The following HSP90AB1 variants were observed in gnomAD, a reference collection of about 807,000 sequenced individuals.
HSP90AB1 encodes heat shock protein 90 alpha family class B member 1.
HSP90AB1 carries 17 observed loss-of-function variants against 67.8 expected under a neutral mutation model. The observed-to-expected ratio is 0.25, with a 90% confidence interval of 0.17 to 0.38. HSP90AB1 has a LOEUF of 0.38. HSP90AB1 is among the 10% of genes least tolerant of loss of function. The pLI, the probability that HSP90AB1 is intolerant of heterozygous loss-of-function variation, is 1.00. For missense variants in HSP90AB1, 690 were observed against 899.9 expected (o/e 0.77, Z 2.98); for synonymous variants, 390 against 312.9 (o/e 1.25, Z -2.60).
In HSP90AB1 at chr6:44,252,166, C is replaced by T; in HGVS notation, c.1630C>T (p.Pro544Ser). The T allele has an allele frequency of 1.2e-6, 2 of 1,613,990 alleles. No homozygotes were observed. The highest frequency in any genetic ancestry group is 1.7e-6 in the Non-Finnish European group (2 of 1,180,002). Residue 544 changes from proline (P) to serine (S), a missense_variant, in exon 10 of 12, where the codon CCT becomes TCT. Transcript: ENST00000371646. ...AGTTACCAAGGAGGGTCTGGAGCTG[C>T]CTGAGGATGAGGAGGAGAAGAAGAA... ...VSVTKEGLELPEDEEEKKKME... is the reference protein window; with the variant it reads ...VSVTKEGLELSEDEEEKKKME...
rs769084897 is a variant in HSP90AB1, at chr6:44,252,201, G to C, written c.1665G>C (p.Glu555Asp). The C allele has an allele frequency of 2.2e-5, 35 of 1,614,030 alleles. No homozygotes were observed. The highest frequency in any genetic ancestry group is 1.6e-4 in the East Asian group (7 of 44,900). Residue 555 changes from glutamate to aspartate, a missense_variant, in exon 10 of 12, where the codon GAG becomes GAC. By Grantham distance (45) the Glu-to-Asp change is conservative (BLOSUM62 2). Transcript: ENST00000371646. The stretch of plus-strand genomic sequence containing the variant: ...AGGAGGAGAAGAAGAAGATGGAAGA[G>C]AGCAAGGCAAAGTTTGAGAACCTCT... ...EDEEEKKKME[E>D]SKAKFENLCK...
chr6:44,253,363 A>T lies in HSP90AB1; in HGVS notation c.2050A>T (p.Ile684Phe). ...QTHSNRIYRM[I>F]KLGLGIDEDE... is the part of the protein sequence containing the mutation. ...CCACTCCAACCGCATCTATCGCATG[A>T]TCAAGCTAGGTCTAGGTAAGTAGCT... The change falls in exon 11 of 12, where the codon ATC becomes TTC. Residue 684 changes from isoleucine to phenylalanine, a missense_variant. By Grantham distance (21) the Ile-to-Phe change is conservative. Transcript: ENST00000371646. 6.2e-7 allele frequency: 1 copy of T among 1,614,118 alleles called. No homozygotes were observed. Among genetic ancestry groups the T allele is most frequent in the Non-Finnish European group, 8.5e-7 (1 of 1,179,984 alleles).
At chr6:44,249,935 C>T (rs1780431147) in intron 4 of HSP90AB1, 86 bp from the exon 5 acceptor site, 5 of 1,584,352 alleles carry the variant, frequency 3.2e-6, no homozygotes, top group Non-Finnish European at 4.3e-6. Flanking sequence ...CAGTTCTTCA[C>T]AGCAGTTCTG....
rs2153323463 is a variant in HSP90AB1, at chr6:44,253,364, T to C, written c.2051T>C (p.Ile684Thr). The C allele has an allele frequency of 6.2e-7, 1 of 1,614,110 alleles. No homozygotes were observed. Among genetic ancestry groups the C allele is most frequent in the South Asian group, 1.1e-5 (1 of 91,082 alleles). ...CACTCCAACCGCATCTATCGCATGA[T>C]CAAGCTAGGTCTAGGTAAGTAGCTT... ...QTHSNRIYRMIKLGLGIDEDE... is the reference protein window; with the variant it reads ...QTHSNRIYRMTKLGLGIDEDE... Residue 684 changes from isoleucine (I) to threonine (T), a missense_variant, in exon 11 of 12, where the codon ATC (isoleucine) becomes ACC (threonine). Ile to Thr is a moderately conservative substitution (Grantham distance 89, BLOSUM62 -1). Coordinates refer to ENST00000371646, the MANE Select transcript of HSP90AB1 (RefSeq NM_007355.4).
upstream of HSP90AB1, among the ~76,000 whole-genome samples, chr6:44,246,847 C>A (rs1385438469): frequency 2.6e-5 from 4 of 152,196 alleles, no homozygotes; most frequent in Non-Finnish European, 4.4e-5. Flanking sequence ...AATGAGCACT[C>A]CTCATCCCCG....
At chr6:44,248,506 G>T in intron 1 of HSP90AB1, 124 bp from the exon 2 acceptor site, 1 of 779,672 alleles carries the variant, frequency 1.3e-6, no homozygotes, top group Non-Finnish European at 2.0e-6. Flanking sequence ...CTTGGGAAGG[G>T]ATAGTACTCC....
chr6:44,252,967 C>A, intron 10 of HSP90AB1, 78 bp from the exon 11 acceptor site: 2 of 1,227,248 alleles, frequency 1.6e-6, no homozygotes, highest in Non-Finnish European at 2.4e-6. Flanking sequence ...CCTCCCCCTG[C>A]TGGAATTAGG....
chr6:44,252,472 A>G (rs553836793), intron 10 of HSP90AB1, among the ~76,000 whole-genome samples: 2 of 152,196 alleles, frequency 1.3e-5, no homozygotes, highest in South Asian at 4.1e-4. Context: ...AACTTCTGAG[A>G]GTAGATAAAA....
rs1414036854 is a variant in HSP90AB1, at chr6:44,253,389, T to G, written c.2065+11T>G. ...TCAAGCTAGGTCTAGGTAAGTAGCT[T>G]TGGTACTTGGTGTGGCAAGGAGTTT... On this transcript the variant is annotated intron_variant, in intron 11 of 11. Coordinates refer to ENST00000371646, the MANE Select transcript of HSP90AB1 (RefSeq NM_007355.4). The G allele has an allele frequency of 3.1e-6, 5 of 1,609,688 alleles. 1 individual carries two copies. The Middle Eastern group carries it at 8.3e-4, about 266-fold the overall frequency.
chr6:44,251,293 C>CAA (rs1467515451), intron 7 of HSP90AB1, 80 bp downstream of exon 7: 15 of 1,554,124 alleles, frequency 9.7e-6, no homozygotes, highest in Non-Finnish European at 1.1e-5. Flanking sequence ...TCTAAGGTAA[C>CAA]AGTTTTCTGC....
Position 44,253,664 on chromosome 6 carries a change from C to T in HSP90AB1, c.*66C>T, listed in dbSNP as rs952741828. On this transcript the variant is annotated 3_prime_UTR_variant, in exon 12 of 12. Coordinates refer to ENST00000371646, the MANE Select transcript of HSP90AB1 (RefSeq NM_007355.4). ...TGTCCCCATGGGCTCCCACTGCAGC[C>T]TCGAGTGCCCCTGTCCCACCTGGCT... is the stretch of plus-strand genomic sequence containing the variant. 3.3e-6 allele frequency: 4 copies of T among 1,198,352 alleles called. No homozygotes were observed. Among genetic ancestry groups the T allele is most frequent in the South Asian group, 2.4e-5 (2 of 82,808 alleles). 74.2% of individuals were successfully genotyped at this position (1,198,352 alleles called of 1,614,324 possible). A position where few individuals can be genotyped will look rare whatever the true frequency, so the allele number is the denominator to read the frequency against.
rs755838506 is a variant in HSP90AB1, at chr6:44,251,767, C to T, written c.1345C>T (p.Arg449Cys). The T allele has an allele frequency of 5.8e-5, 93 of 1,613,548 alleles. No individual in the cohort carries two copies. The highest frequency in any genetic ancestry group is 7.5e-5 in the Non-Finnish European group (89 of 1,180,034). Residue 449 changes from arginine (R) to cysteine (C), a missense_variant, in exon 9 of 12, where the codon CGC becomes TGC. Around this residue, in one of 7 missense-constraint regions of HSP90AB1, gnomAD observed 206 missense variants for 221.4 expected, o/e 0.93. Transcript: ENST00000371646. ...LGIHEDSTNR[R>C]RLSELLRYHT... ...AATCCACGAAGACTCCACTAACCGC[C>T]GCCGCCTGTCTGAGCTGCTGCGCTA...
In HSP90AB1 at chr6:44,250,029, A is replaced by G. The variant is rs779090807; in HGVS notation, c.523A>G (p.Ile175Val). The G allele has an allele frequency of 3.1e-6, 5 of 1,614,172 alleles. No individual in the cohort carries two copies. The highest frequency in any genetic ancestry group is 1.6e-4 in the Middle Eastern group (1 of 6,062). Residue 175 changes from isoleucine to valine, a missense_variant, in exon 5 of 12, where the codon ATT (isoleucine) becomes GTT (valine). By Grantham distance (29) the Ile-to-Val change is conservative (BLOSUM62 3). Coordinates refer to ENST00000371646, the MANE Select transcript of HSP90AB1 (RefSeq NM_007355.4). ...FTVRADHGEP[I>V]GRGTKVILHL... Reference sequence around the variant, plus strand: ...GTAATTGACTCTTCTAGGTGAGCCCATTGGCAGGGGTACCAAAGTGATCCT... The same window carrying G: ...GTAATTGACTCTTCTAGGTGAGCCCGTTGGCAGGGGTACCAAAGTGATCCT...
Position 44,253,261 on chromosome 6 carries a change from G to T in HSP90AB1, c.1948G>T (p.Ala650Ser), listed in dbSNP as rs551708452. The T allele has an allele frequency of 3.2e-5, 52 of 1,614,226 alleles. No individual in the cohort carries two copies. The highest frequency in any genetic ancestry group is 4.2e-5 in the Non-Finnish European group (50 of 1,180,048). The change falls in exon 11 of 12, where the codon GCA becomes TCA. Residue 650 changes from alanine (A) to serine (S), a missense_variant. Physicochemically the swap from Ala to Ser is moderately conservative, Grantham distance 99 (BLOSUM62 1). This residue lies in a region of HSP90AB1 where 120 missense variants were observed against 153.5 expected (regional missense o/e 0.78). Coordinates refer to ENST00000371646, the MANE Select transcript of HSP90AB1 (RefSeq NM_007355.4). The stretch of plus-strand genomic sequence containing the variant: ...GGCTGAGGCCGACAAGAATGATAAG[G>T]CAGTTAAGGACCTGGTGGTGCTGCT... ...QKAEADKNDK[A>S]VKDLVVLLFE...
chr6:44,247,593 C>T (rs536135830), intron 1 of HSP90AB1, among the ~76,000 whole-genome samples: 1 of 152,190 alleles, frequency 6.6e-6, no homozygotes, highest in Non-Finnish European at 1.5e-5. Context: ...CTCAGCACGG[C>T]CTTGTGGGAC....
chr6:44,253,771 C>T lies in HSP90AB1; in HGVS notation c.*173C>T, dbSNP rs571860406. 2.6e-6 allele frequency: 2 copies of T among 777,982 alleles called. No homozygotes were observed. The highest frequency in any genetic ancestry group is 1.7e-5 in the Admixed American group (1 of 58,972). The allele number at this position is 777,982 out of a possible 1,614,324, so 48.2% of individuals were successfully genotyped here. The stretch of plus-strand genomic sequence containing the variant: ...AAACTAAGGGTGTCAAGCCCCATTC[C>T]CTCTCTACTCTTGACAGCAGGATTG... On this transcript the variant is annotated 3_prime_UTR_variant, in exon 12 of 12. Transcript: ENST00000371646.
Position 44,250,073 on chromosome 6 carries a change from G to T in HSP90AB1, c.567G>T (p.Gln189His). The T allele has an allele frequency of 1.2e-6, 2 of 1,614,154 alleles. No homozygotes were observed. Among genetic ancestry groups the T allele is most frequent in the Non-Finnish European group, 1.7e-6 (2 of 1,179,982 alleles). ...TGATCCTCCATCTTAAAGAAGATCA[G>T]ACAGAGTACCTAGAAGAGAGGCGGG... ...TKVILHLKED[Q>H]TEYLEERRVK... is the part of the protein sequence containing the mutation. Residue 189 changes from glutamine (Q) to histidine (H), a missense_variant, in exon 5 of 12, where the codon CAG (glutamine) becomes CAT (histidine). Coordinates refer to ENST00000371646, the MANE Select transcript of HSP90AB1 (RefSeq NM_007355.4).
chr6:44,253,491 A>C lies in HSP90AB1; in HGVS notation c.2068A>C (p.Ile690Leu). The C allele has an allele frequency of 6.2e-7, 1 of 1,612,908 alleles. No homozygotes were observed. The highest frequency in any genetic ancestry group is 8.5e-7 in the Non-Finnish European group (1 of 1,178,932). Residue 690 changes from isoleucine to leucine, a missense_variant and splice_region_variant, in exon 12 of 12, where the codon ATT becomes CTT. Transcript: ENST00000371646. ...IYRMIKLGLG[I>L]DEDEVAAEEP... ...CACATGGCTTAATTTTACTTCAGGT[A>C]TTGATGAAGATGAAGTGGCAGCAGA...
chr6:44,252,717 C>T (rs1780842923), intron 10 of HSP90AB1, among the ~76,000 whole-genome samples: 1 of 152,030 alleles, frequency 6.6e-6, no homozygotes, highest in South Asian at 2.1e-4. Flanking sequence ...AGGATGGTCT[C>T]CATCTCCTGA....
Sources: gnomAD v4.1 joint callset for allele counts (sites outside exome capture counted in the v4.1 genomes callset) on GRCh38, gnomAD v4.1.1 for gene constraint, gnomAD v4.1.1 regional missense constraint, MANE v1.5 for transcripts, NCBI Gene and HGNC (gene_info 2026-07-23, HGNC 2026-07-21) for gene names.